GRIK2: variants seen among roughly 807,000 people sequenced by gnomAD.
GRIK2 encodes glutamate ionotropic receptor kainate type subunit 2.
GRIK2 carries 32 observed loss-of-function variants against 100.3 expected under a neutral mutation model. That is an observed-to-expected ratio of 0.32 (90% CI 0.24 to 0.43). GRIK2 has a LOEUF of 0.43. GRIK2 is among the 20% of genes least tolerant of loss of function. The pLI, the probability that GRIK2 is intolerant of heterozygous loss-of-function variation, is 1.00. For synonymous variants in GRIK2, 417 were observed against 389.4 expected, an observed-to-expected ratio of 1.07 and a Z score of -0.83; for missense variants, 843 against 1,114.9, an observed-to-expected ratio of 0.76 and a Z score of 3.47.
chr6:101,618,366 G>C (rs1311028550), intron 2 of GRIK2, among the ~76,000 whole-genome samples: 1 of 151,142 alleles, frequency 6.6e-6, no homozygotes, highest in Non-Finnish European at 1.5e-5. Context: ...TTCATTATTT[G>C]TTTAGTCTTT....
At chr6:102,005,571 C>A (rs762185765) in intron 14 of GRIK2, among the ~76,000 whole-genome samples, 20 of 151,946 alleles carry the variant, frequency 1.3e-4, no homozygotes, top group Non-Finnish European at 2.4e-4. Flanking sequence ...ATTTATATAA[C>A]CTTTCCATAA....
intron 16 of GRIK2, among the ~76,000 whole-genome samples, chr6:102,064,424 TTC>T (rs376031866): frequency 4.7e-5 from 7 of 148,238 alleles, no homozygotes; most frequent in African/African-American, 5.0e-5. Context: ...CTTTCTTTCT[TTC>T]TCTCTTTCTC....
intron 2 of GRIK2, among the ~76,000 whole-genome samples, chr6:101,598,565 G>T (rs1398112643): frequency 2.3e-5 from 3 of 127,926 alleles, no homozygotes; most frequent in Non-Finnish European, 3.2e-5. Flanking sequence ...TTACATTTTT[G>T]TCTTGCTCCA....
chr6:101,618,379 C>G (rs959394982), intron 2 of GRIK2, among the ~76,000 whole-genome samples: 1 of 151,442 alleles, frequency 6.6e-6, no homozygotes, highest in African/African-American at 2.4e-5. Flanking sequence ...TAGTCTTTGT[C>G]CTAGAATTCA....
At position 101,822,443 on chromosome 6, in the gene GRIK2, T is replaced by C. The variant is rs544795824; in HGVS notation, c.1317+3960T>C. On this transcript the variant is annotated intron_variant, in intron 10 of 16. Transcript: ENST00000369134. Reference sequence around the variant, plus strand: ...GTGAAGAAAGGGCAAGGGAGTATTCTAGGCGAAGAGAACAGCATATTCAAG... The same window carrying C: ...GTGAAGAAAGGGCAAGGGAGTATTCCAGGCGAAGAGAACAGCATATTCAAG... Among the ~76,000 whole-genome samples the C allele has an allele frequency of 3.9e-5, 6 of 152,064 alleles. No homozygotes were observed. In the East Asian group the frequency reaches 9.7e-4, roughly 25 times the overall value.
intron 7 of GRIK2, among the ~76,000 whole-genome samples, chr6:101,761,298 G>A (rs962970446): frequency 4.6e-5 from 7 of 152,056 alleles, no homozygotes; most frequent in Admixed American, 2.0e-4. Flanking sequence ...GGAAAATGAA[G>A]GGAAAGCAAG....
intron 7 of GRIK2, among the ~76,000 whole-genome samples, chr6:101,699,218 T>A (rs1772705429): frequency 1.3e-5 from 2 of 152,162 alleles, no homozygotes; most frequent in African/African-American, 4.8e-5. Flanking sequence ...GTCAAATGGT[T>A]ATCTCTGTTT....
chr6:101,571,949 G>A (rs553794326), intron 2 of GRIK2, among the ~76,000 whole-genome samples: 2 of 152,126 alleles, frequency 1.3e-5, no homozygotes, highest in South Asian at 4.1e-4. Flanking sequence ...CAGAAAAAAG[G>A]TGGAAGATTA....
intron 14 of GRIK2, among the ~76,000 whole-genome samples, chr6:101,940,168 A>C (rs1390003391): frequency 1.3e-5 from 2 of 152,194 alleles, no homozygotes; most frequent in Non-Finnish European, 2.9e-5. Flanking sequence ...CAAATTTAGA[A>C]ATATGTCTGC....
chr6:101,796,459 A>G (rs11156157), intron 7 of GRIK2, among the ~76,000 whole-genome samples: 16,999 of 152,220 alleles, frequency 0.11, 2,077 homozygotes, highest in East Asian at 0.67. Flanking sequence ...AGATTTATAG[A>G]CACACAATTT....
In GRIK2 at chr6:101,858,543, C is replaced by T. The variant is rs372254465; in HGVS notation, c.1318-744C>T. ...CTGGGACTACAGGCGCCCGCCACTA[C>T]GCCCAGCTAATTTTTTTTGTATTTT... On this transcript the variant is annotated intron_variant, in intron 10 of 16. Transcript: ENST00000369134. Among the ~76,000 whole-genome samples the T allele has an allele frequency of 1.3e-4, 19 of 148,104 alleles. No individual in the cohort carries two copies. In the South Asian group the frequency reaches 1.5e-3, roughly 11 times the overall value.
chr6:101,951,123 G>C (rs1403973268), intron 14 of GRIK2, among the ~76,000 whole-genome samples: 1 of 152,132 alleles, frequency 6.6e-6, no homozygotes, highest in African/African-American at 2.4e-5. Flanking sequence ...AGAAATCATT[G>C]AGTGCAGTCA....
intron 3 of GRIK2, among the ~76,000 whole-genome samples, chr6:101,625,724 A>G (rs879349179): frequency 2.0e-5 from 3 of 152,154 alleles, no homozygotes; most frequent in Non-Finnish European, 2.9e-5. Flanking sequence ...GTAAATACAA[A>G]CTTTAAAAAA....
intron 14 of GRIK2, among the ~76,000 whole-genome samples, chr6:101,962,257 T>C (rs1338050138): frequency 1.3e-5 from 2 of 152,116 alleles, no homozygotes; most frequent in Non-Finnish European, 2.9e-5. Flanking sequence ...GGTATTCCAC[T>C]CAGGATGTGA....
intron 12 of GRIK2, among the ~76,000 whole-genome samples, chr6:101,910,942 T>C (rs1788647907): frequency 6.6e-6 from 1 of 151,094 alleles, no homozygotes; most frequent in Admixed American, 6.6e-5. Flanking sequence ...TTATCTAAGA[T>C]AATTTTTGTT....
At chr6:101,769,631 C>G (rs1778271995) in intron 7 of GRIK2, among the ~76,000 whole-genome samples, 1 of 152,120 alleles carries the variant, frequency 6.6e-6, no homozygotes, top group Non-Finnish European at 1.5e-5. Flanking sequence ...TTATGAGTAT[C>G]TTTTTGAGTT....
chr6:102,041,356 A>T (rs1770563063), intron 15 of GRIK2, among the ~76,000 whole-genome samples: 1 of 151,696 alleles, frequency 6.6e-6, no homozygotes, highest in Non-Finnish European at 1.5e-5. Context: ...TTCAAATTTT[A>T]CTTTAGATCA....
At chr6:101,730,949 C>T (rs72956327) in intron 7 of GRIK2, among the ~76,000 whole-genome samples, 2 of 151,944 alleles carry the variant, frequency 1.3e-5, no homozygotes, top group Non-Finnish European at 1.5e-5. Flanking sequence ...TCACACACTG[C>T]GATTTACTTG....
chr6:101,623,430 C>A (rs766530065), intron 3 of GRIK2, among the ~76,000 whole-genome samples: 1 of 152,032 alleles, frequency 6.6e-6, no homozygotes, highest in African/African-American at 2.4e-5. Context: ...CAAAATAAAT[C>A]ATTAATTCAA....
Sources: gnomAD v4.1 joint callset for allele counts (sites outside exome capture counted in the v4.1 genomes callset) on GRCh38, gnomAD v4.1.1 for gene constraint, MANE v1.5 for transcripts, NCBI Gene and HGNC (gene_info 2026-07-23, HGNC 2026-07-21) for gene names.